RPS6KC1: variants seen among roughly 807,000 people sequenced by gnomAD.
The protein encoded by RPS6KC1 is ribosomal protein S6 kinase C1.
RPS6KC1 carries 54 observed loss-of-function variants against 103.8 expected under a neutral mutation model. The ratio of observed to expected loss-of-function variants is 0.52; its 90% confidence interval spans 0.42 to 0.65. The LOEUF (loss-of-function observed/expected upper bound fraction) is 0.65. Among genes scored for constraint, RPS6KC1 ranks in the 30% least tolerant of loss-of-function variants. RPS6KC1 has a pLI of 0.00. For synonymous variants in RPS6KC1, 439 were observed against 438.7 expected (o/e 1.00, Z -0.01); for missense variants, 1,151 against 1,253.8 (o/e 0.92, Z 1.24).
the RPS6KC1 span, among the ~76,000 whole-genome samples, chr1:213,728,388 C>A: frequency 6.6e-6 from 1 of 152,066 alleles, no homozygotes; most frequent in African/African-American, 2.4e-5. Context: ...CAAGCGCAGC[C>A]CAAGGTACAT....
chr1:213,289,323 A>G, the RPS6KC1 span, among the ~76,000 whole-genome samples: 1,666 of 149,004 alleles, frequency 0.011, 33 homozygotes, highest in African/African-American at 0.038. Flanking sequence ...TGGAATGGAG[A>G]TGATTTATGT....
chr1:213,724,037 G>T, the RPS6KC1 span, among the ~76,000 whole-genome samples: 1 of 152,158 alleles, frequency 6.6e-6, no homozygotes, highest in African/African-American at 2.4e-5. Context: ...GCAGAAGCAG[G>T]ATGCAGTAGG....
At chr1:213,328,503 ACTATAT>A in the RPS6KC1 span, among the ~76,000 whole-genome samples, 8 of 31,772 alleles carry the variant, frequency 2.5e-4, no homozygotes, top group African/African-American at 5.2e-4. Flanking sequence ...CAGCCATTAT[ACTATAT>A]ATATATATAT....
chr1:213,646,899 T>TATATATATATATATA, the RPS6KC1 span, among the ~76,000 whole-genome samples: 38 of 100,632 alleles, frequency 3.8e-4, no homozygotes, highest in South Asian at 1.6e-3. Context: ...ATATATATAT[T>TATATATATATATATA]TTTGTTTGTT....
chr1:213,619,365 A>G, the RPS6KC1 span, among the ~76,000 whole-genome samples: 1 of 152,164 alleles, frequency 6.6e-6, no homozygotes, highest in African/African-American at 2.4e-5. Context: ...TTCTCCTTAC[A>G]TTTCCGAACC....
chr1:213,099,815 TC>T (rs2081852656), intron 3 of RPS6KC1, among the ~76,000 whole-genome samples: 1 of 152,232 alleles, frequency 6.6e-6, no homozygotes, highest in South Asian at 2.1e-4. Context: ...GTTGTGTTCA[TC>T]AGAGGTTCAT....
At chr1:213,103,185 CAA>C (rs567198765) in intron 3 of RPS6KC1, among the ~76,000 whole-genome samples, 33 of 98,090 alleles carry the variant, frequency 3.4e-4, no homozygotes, top group Non-Finnish European at 4.3e-4. Context: ...GACCCTGTCT[CAA>C]AAAAAAAAAA....
the RPS6KC1 span, among the ~76,000 whole-genome samples, chr1:213,719,873 C>A: frequency 1.3e-5 from 2 of 152,242 alleles, no homozygotes; most frequent in Admixed American, 1.3e-4. Flanking sequence ...ATTAGCTAGA[C>A]CAGATATTTG....
the RPS6KC1 span, among the ~76,000 whole-genome samples, chr1:213,829,618 G>A: frequency 2.6e-5 from 4 of 152,170 alleles, no homozygotes; most frequent in Non-Finnish European, 4.4e-5. Flanking sequence ...GGGAAAGCAC[G>A]AACCAAGACA....
rs753468979 is a variant in RPS6KC1 at position 213,242,162 on chromosome 1, G to A, written c.2686G>A (p.Ala896Thr). The change falls in exon 11 of 15, where the codon GCC becomes ACC. Residue 896 changes from alanine to threonine, a missense_variant. Physicochemically the swap from Ala to Thr is moderately conservative, Grantham distance 58 (BLOSUM62 0). Coordinates refer to ENST00000366960, the MANE Select transcript of RPS6KC1 (RefSeq NM_012424.6). ...FEDLDKKLAL[A>T]SRFYIPEGCI... ...GGACCTTGATAAAAAATTAGCACTA[G>A]CCTCCAGGTTTTACATCCCAGAGGG... 1 of 1,613,936 alleles carries A rather than the reference G, an allele frequency of 6.2e-7. No individual in the cohort carries two copies.
At chr1:213,631,517 A>G in the RPS6KC1 span, among the ~76,000 whole-genome samples, 1 of 152,224 alleles carries the variant, frequency 6.6e-6, no homozygotes, top group African/African-American at 2.4e-5. Context: ...AAACAATGTC[A>G]GAATGAAGAT....
At chr1:213,543,323 C>A in the RPS6KC1 span, among the ~76,000 whole-genome samples, 1 of 152,030 alleles carries the variant, frequency 6.6e-6, no homozygotes, top group African/African-American at 2.4e-5. Context: ...CTTTTAGTGA[C>A]CCAGATGCTA....
the RPS6KC1 span, among the ~76,000 whole-genome samples, chr1:213,729,724 T>A: frequency 6.6e-6 from 1 of 152,252 alleles, no homozygotes. Context: ...GACTTATTCT[T>A]TTTTTATTTT....
the RPS6KC1 span, among the ~76,000 whole-genome samples, chr1:213,698,528 C>T: frequency 6.6e-6 from 1 of 152,214 alleles, no homozygotes; most frequent in South Asian, 2.1e-4. Flanking sequence ...TTAAACATGA[C>T]TTGGTCATTT....
At chr1:213,200,600 A>T (rs2148568694) in intron 8 of RPS6KC1, among the ~76,000 whole-genome samples, 1 of 152,366 alleles carries the variant, frequency 6.6e-6, no homozygotes, top group South Asian at 2.1e-4. Flanking sequence ...CAAAGATGCC[A>T]AAAGCAATGG....
chr1:213,444,330 G>A, the RPS6KC1 span, among the ~76,000 whole-genome samples: 535 of 152,182 alleles, frequency 3.5e-3, 3 homozygotes, highest in African/African-American at 0.012. Flanking sequence ...TGGCAGGTGG[G>A]GGGCGGGCAC....
At chr1:213,197,407 C>T (rs867572969) in intron 8 of RPS6KC1, among the ~76,000 whole-genome samples, 4 of 152,104 alleles carry the variant, frequency 2.6e-5, no homozygotes, top group Non-Finnish European at 5.9e-5. Flanking sequence ...TCATTCTACC[C>T]GTCCATCAGG....
At chr1:213,697,642 T>A in the RPS6KC1 span, among the ~76,000 whole-genome samples, 1 of 152,214 alleles carries the variant, frequency 6.6e-6, no homozygotes, top group African/African-American at 2.4e-5. Context: ...CCTTGGATTC[T>A]GGGTGTAATC....
At chr1:213,652,698 T>C in the RPS6KC1 span, among the ~76,000 whole-genome samples, 2 of 152,176 alleles carry the variant, frequency 1.3e-5, no homozygotes, top group Non-Finnish European at 2.9e-5. Flanking sequence ...TTTGCCTGCA[T>C]GTGAGGCCAC....
Sources: allele counts gnomAD v4.1 joint callset (sites outside exome capture counted in the v4.1 genomes callset), GRCh38; gene constraint gnomAD v4.1.1; transcripts MANE v1.5; gene names NCBI Gene and HGNC (gene_info 2026-07-23, HGNC 2026-07-21).